ACACB: variants seen among roughly 807,000 people sequenced by gnomAD.
ACACB encodes the protein acetyl-CoA carboxylase 2.
Under a neutral mutation model 278.8 loss-of-function variants are expected in ACACB, and 209 were observed. The observed-to-expected ratio is 0.75, with a 90% CI of 0.67 to 0.84. The LOEUF is 0.84. ACACB is among the 40% of genes least tolerant of loss of function. ACACB has a pLI of 0.00. For synonymous variants in ACACB, 1,174 were observed against 1,285.6 expected (o/e 0.91, Z 1.86); for missense variants, 2,850 against 3,269.0 (o/e 0.87, Z 3.13).
chr12:109,139,431 G>T lies in ACACB; in HGVS notation c.26G>T (p.Cys9Phe), dbSNP rs376872449. The change falls in exon 2 of 53, where the codon TGT becomes TTT. Residue 9 changes from cysteine to phenylalanine, a missense_variant. Physicochemically the swap from Cys to Phe is radical, Grantham distance 205. Transcript: ENST00000338432. MVLLLCLSCLIFSCLTFSW... is the reference protein window; with the variant it reads MVLLLCLSFLIFSCLTFSW... ...ATGGTCTTGCTTCTTTGTCTATCTTGTCTGATTTTCTCCTGTCTGACCTTT... is the reference window on the plus strand; with the variant it reads ...ATGGTCTTGCTTCTTTGTCTATCTTTTCTGATTTTCTCCTGTCTGACCTTT... The T allele has an allele frequency of 8.7e-6, 14 of 1,613,742 alleles. No homozygotes were observed. Among genetic ancestry groups the T allele is most frequent in the South Asian group, 2.2e-5 (2 of 91,066 alleles).
At chr12:109,130,861 T>G (rs371733406) in intron 1 of ACACB, among the ~76,000 whole-genome samples, 33 of 152,338 alleles carry the variant, frequency 2.2e-4, no homozygotes, top group African/African-American at 7.2e-4. Flanking sequence ...TGTGTCCAGC[T>G]GGCCATTCGT....
upstream of ACACB, among the ~76,000 whole-genome samples, chr12:109,112,171 TATAC>T (rs1277795642): frequency 6.8e-6 from 1 of 146,746 alleles, no homozygotes; most frequent in African/African-American, 2.6e-5. Flanking sequence ...TTTAAATATA[TATAC>T]ATACATTTCT....
At chr12:109,201,749 G>T in intron 19 of ACACB, 48 bp downstream of exon 19, 1 of 1,599,684 alleles carries the variant, frequency 6.3e-7, no homozygotes. Flanking sequence ...AGGTGCACTC[G>T]TGACCTCCAC....
Position 109,192,020 on chromosome 12 carries a change from C to G in ACACB, c.2399+70C>G, listed in dbSNP as rs944115033. 13 of 1,511,684 alleles carry G rather than the reference C, an allele frequency of 8.6e-6. No individual in the cohort carries two copies. In the East Asian group the frequency reaches 2.5e-4, roughly 29 times the overall value. The allele number at this position is 1,511,684 out of a possible 1,614,324, so 93.6% of individuals were successfully genotyped here. On this transcript the variant is annotated intron_variant, in intron 15 of 52. Transcript: ENST00000338432. ...GCGGCTTAGGAGGCTGAATCTGTCT[C>G]CTTTATTTGTGTGGCCAGTTAGTCA...
At chr12:109,119,869 T>C (rs2135934336) in intron 1 of ACACB, among the ~76,000 whole-genome samples, 1 of 151,988 alleles carries the variant, frequency 6.6e-6, no homozygotes, top group Admixed American at 6.6e-5. Flanking sequence ...CACTCTAGCC[T>C]GGGCGACAGA....
chr12:109,167,727 T>C (rs2043966256), intron 3 of ACACB, among the ~76,000 whole-genome samples, 169 bp from the exon 4 acceptor site: 1 of 148,146 alleles, frequency 6.8e-6, no homozygotes, highest in Admixed American at 6.8e-5. Flanking sequence ...TTTGAGCTCC[T>C]GCTCTGTGCT....
chr12:109,191,456 C>T, intron 13 of ACACB, 157 bp from the exon 14 acceptor site: 1 of 800,120 alleles, frequency 1.2e-6, no homozygotes, highest in Admixed American at 2.8e-5. Context: ...TCAAGTAATA[C>T]ACCTACCTCA....
At chr12:109,148,424 G>A (rs778642503) in intron 2 of ACACB, among the ~76,000 whole-genome samples, 8 of 152,112 alleles carry the variant, frequency 5.3e-5, no homozygotes, top group Admixed American at 3.3e-4. Context: ...TGTGGGGTGC[G>A]CATGTGGACT....
intron 2 of ACACB, among the ~76,000 whole-genome samples, chr12:109,149,967 T>G (rs147339871): frequency 9.1e-4 from 139 of 152,338 alleles, no homozygotes; most frequent in African/African-American, 2.9e-3. Flanking sequence ...ATCATGTGAC[T>G]TGGGGCCAAG....
chr12:109,180,090 G>A lies in ACACB; in HGVS notation c.1818+3G>A. 1.2e-6 allele frequency: 2 copies of A among 1,609,386 alleles called. No individual in the cohort carries two copies. Among genetic ancestry groups the A allele is most frequent in the South Asian group, 1.1e-5 (1 of 90,948 alleles). On this transcript the variant is annotated splice_donor_region_variant and intron_variant, in intron 11 of 52. Transcript: ENST00000338432. Reference sequence around the variant, plus strand: ...ATCTGCCGGCCGCCCAGCTACAGGTGAGAAAATGGGCTTGGGGCCCTGGGA... The same window carrying A: ...ATCTGCCGGCCGCCCAGCTACAGGTAAGAAAATGGGCTTGGGGCCCTGGGA...
At chr12:109,215,021 G>C (rs1018867738) in intron 22 of ACACB, among the ~76,000 whole-genome samples, 1 of 151,852 alleles carries the variant, frequency 6.6e-6, no homozygotes, top group Non-Finnish European at 1.5e-5. Context: ...GCTTGAGCCC[G>C]GGAGGCAGAG....
chr12:109,241,056 G>A, intron 35 of ACACB, 22 bp from the exon 36 acceptor site: 1 of 1,609,692 alleles, frequency 6.2e-7, no homozygotes, highest in South Asian at 1.1e-5. Context: ...CCTGAAACTG[G>A]AATTGCTGTG....
Position 109,209,238 on chromosome 12 carries a change from T to C in ACACB, c.3134T>C (p.Ile1045Thr). ...PSLPLLELQEIMTSVAGRIPA... is the reference protein window; with the variant it reads ...PSLPLLELQETMTSVAGRIPA... The stretch of plus-strand genomic sequence containing the variant: ...CTGCCGCTGCTGGAGCTGCAGGAGA[T>C]CATGACCAGCGTGGCAGGCCGCATC... Residue 1045 changes from isoleucine (I) to threonine (T), a missense_variant, in exon 21 of 53, where the codon ATC (isoleucine) becomes ACC (threonine). Physicochemically the swap from Ile to Thr is moderately conservative, Grantham distance 89. This residue lies in a region of ACACB where 2,265 missense variants were observed against 2,561.3 expected (regional missense o/e 0.88). Coordinates refer to ENST00000338432, the MANE Select transcript of ACACB (RefSeq NM_001093.4). 1.2e-6 allele frequency: 2 copies of C among 1,611,326 alleles called. No individual in the cohort carries two copies. Among genetic ancestry groups the C allele is most frequent in the Non-Finnish European group, 1.7e-6 (2 of 1,179,528 alleles).
At chr12:109,186,764 C>T (rs1050392169) in intron 12 of ACACB, among the ~76,000 whole-genome samples, 2 of 151,964 alleles carry the variant, frequency 1.3e-5, no homozygotes, top group Admixed American at 6.6e-5. Context: ...AACCAAACAC[C>T]AACTCTGGTG....
intron 1 of ACACB, among the ~76,000 whole-genome samples, chr12:109,120,833 T>C (rs2160603): frequency 0.23 from 34,681 of 152,142 alleles, 4,378 homozygotes; most frequent in Admixed American, 0.36. Context: ...CAACAGACTT[T>C]CTCTCTGTGC....
At chr12:109,232,947 T>C (rs1369246144) in intron 29 of ACACB, 141 bp downstream of exon 29, 1 of 1,034,588 alleles carries the variant, frequency 9.7e-7, no homozygotes, top group East Asian at 2.6e-5. Flanking sequence ...AACAGAATAA[T>C]AATAGCATTG....
intron 45 of ACACB, among the ~76,000 whole-genome samples, chr12:109,258,063 G>A (rs2047275836): frequency 6.6e-6 from 1 of 152,206 alleles, no homozygotes; most frequent in Non-Finnish European, 1.5e-5. Context: ...TCCTCTGATG[G>A]TTCTTGCCTC....
In ACACB at chr12:109,164,717, A is replaced by ATTT. The variant is rs36026617; in HGVS notation, c.654-2128_654-2126dup. 3.2e-3 allele frequency among the ~76,000 whole-genome samples: 432 copies of ATTT among 134,076 alleles called. 9 individuals are homozygous for ATTT. The highest frequency in any genetic ancestry group is 9.2e-3 in the South Asian group (38 of 4,130). The allele number at this position is 134,076 out of a possible 152,430, so 88.0% of individuals were successfully genotyped here. ...GTGCCACCATGCCTAGCTAATTTAA[A>ATTT]TTTTTTTTTTTTTTTTTTGAGATGG... On this transcript the variant is annotated intron_variant, in intron 2 of 52. Transcript: ENST00000338432.
intron 1 of ACACB, among the ~76,000 whole-genome samples, chr12:109,136,982 A>C: frequency 6.6e-6 from 1 of 152,222 alleles, no homozygotes; most frequent in East Asian, 1.9e-4. Flanking sequence ...TGGATTTTTC[A>C]TAAATGTACT....
Sources: gnomAD v4.1 joint callset for allele counts (sites outside exome capture counted in the v4.1 genomes callset) on GRCh38, gnomAD v4.1.1 for gene constraint, gnomAD v4.1.1 regional missense constraint, MANE v1.5 for transcripts, NCBI Gene and HGNC (gene_info 2026-07-23, HGNC 2026-07-21) for gene names.